The following SNAP91 variants were observed in gnomAD, a reference collection of about 807,000 sequenced individuals.
The protein encoded by SNAP91 is clathrin coat assembly protein AP180.
SNAP91 carries 27 observed loss-of-function variants against 100.3 expected under a neutral mutation model. That is an observed-to-expected ratio of 0.27 (90% CI 0.20 to 0.37). The LOEUF is 0.37. Among genes scored for constraint, SNAP91 ranks in the 10% least tolerant of loss-of-function variants. The pLI, the probability that SNAP91 is intolerant of heterozygous loss-of-function variation, is 1.00. For synonymous variants in SNAP91, 404 were observed against 398.6 expected (o/e 1.01, Z -0.16); for missense variants, 986 against 1,123.7 (o/e 0.88, Z 1.75).
intron 10 of SNAP91, among the ~76,000 whole-genome samples, chr6:83,616,631 G>A (rs1008790077): frequency 6.6e-6 from 1 of 152,082 alleles, no homozygotes; most frequent in Non-Finnish European, 1.5e-5. Flanking sequence ...AATTGTGCTT[G>A]TTTTCACTCA....
intron 7 of SNAP91, among the ~76,000 whole-genome samples, chr6:83,653,863 T>C (rs73486942): frequency 0.029 from 4,354 of 152,206 alleles, 77 homozygotes; most frequent in East Asian, 0.059. Context: ...TTGGACAAAA[T>C]AGATGTAGTG....
intron 7 of SNAP91, among the ~76,000 whole-genome samples, chr6:83,641,618 T>A (rs2097706252): frequency 6.6e-6 from 1 of 152,226 alleles, no homozygotes; most frequent in African/African-American, 2.4e-5. Flanking sequence ...ATCTATAAAT[T>A]ATAAGACAAT....
intron 9 of SNAP91, among the ~76,000 whole-genome samples, chr6:83,622,614 T>TA (rs2096774601): frequency 6.6e-6 from 1 of 151,926 alleles, no homozygotes; most frequent in East Asian, 1.9e-4. Flanking sequence ...ACAGAGTGCT[T>TA]AAGTAAAAAC....
At chr6:83,671,450 A>G (rs1332631990) in intron 2 of SNAP91, among the ~76,000 whole-genome samples, 2 of 152,024 alleles carry the variant, frequency 1.3e-5, no homozygotes, top group Non-Finnish European at 2.9e-5. Context: ...ATTCAGTTTT[A>G]CTTTGCCTGG....
intron 14 of SNAP91, among the ~76,000 whole-genome samples, chr6:83,603,218 A>G (rs1205976646): frequency 6.6e-6 from 1 of 152,152 alleles, no homozygotes; most frequent in Non-Finnish European, 1.5e-5. Context: ...CCTTATAGTC[A>G]TTTAAAATAA....
intron 25 of SNAP91, chr6:83,575,589 GAT>G (rs1817242122): frequency 4.8e-6 from 1 of 209,164 alleles, no homozygotes; most frequent in East Asian, 1.7e-4. Context: ...TCCACTGAAA[GAT>G]ATGTCTCAAT....
chr6:83,597,357 T>G (rs2094586560), intron 16 of SNAP91, among the ~76,000 whole-genome samples: 1 of 152,182 alleles, frequency 6.6e-6, no homozygotes, highest in South Asian at 2.1e-4. Flanking sequence ...TGTTAAAAAA[T>G]AAACAAAACT....
At chr6:83,607,275 G>C (rs926966085) in intron 13 of SNAP91, among the ~76,000 whole-genome samples, 3 of 151,828 alleles carry the variant, frequency 2.0e-5, no homozygotes, top group African/African-American at 7.3e-5. Context: ...CCTACCACCA[G>C]AGTGTGAGTT....
chr6:83,686,075 A>G (rs1437920829), intron 2 of SNAP91: 6 of 738,942 alleles, frequency 8.1e-6, no homozygotes, highest in East Asian at 1.3e-4. Flanking sequence ...GTAGATGCAC[A>G]GTAGACACTG....
chr6:83,673,494 T>A (rs923669765), intron 2 of SNAP91, among the ~76,000 whole-genome samples: 2 of 152,198 alleles, frequency 1.3e-5, no homozygotes, highest in Non-Finnish European at 2.9e-5. Flanking sequence ...GCATCTAGTC[T>A]ATGATGTTTT....
chr6:83,682,982 T>C (rs1174791395), intron 2 of SNAP91, among the ~76,000 whole-genome samples: 1 of 152,060 alleles, frequency 6.6e-6, no homozygotes. Flanking sequence ...CATATGACCA[T>C]CATCCCCATC....
At chr6:83,674,436 A>G (rs1163507027) in intron 2 of SNAP91, among the ~76,000 whole-genome samples, 1 of 152,166 alleles carries the variant, frequency 6.6e-6, no homozygotes, top group Non-Finnish European at 1.5e-5. Flanking sequence ...TCCATCTCAA[A>G]AAAAAAGAAA....
At chr6:83,598,845 A>C (rs563796853) in intron 16 of SNAP91, among the ~76,000 whole-genome samples, 2 of 152,306 alleles carry the variant, frequency 1.3e-5, no homozygotes, top group Admixed American at 1.3e-4. Flanking sequence ...ATCACAAAAC[A>C]GATAATGACA....
chr6:83,581,110 A>G (rs939517833), intron 23 of SNAP91, among the ~76,000 whole-genome samples: 1 of 152,214 alleles, frequency 6.6e-6, no homozygotes. Context: ...TGAAATCTAA[A>G]TAATTTACTC....
At chr6:83,605,552 TC>T in intron 14 of SNAP91, 132 bp downstream of exon 14, 1 of 1,201,982 alleles carries the variant, frequency 8.3e-7, no homozygotes, top group Non-Finnish European at 1.2e-6. Flanking sequence ...TAAATGCCAT[TC>T]TTAACATTTT....
chr6:83,660,157 G>T (rs796776777), intron 5 of SNAP91, among the ~76,000 whole-genome samples: 7 of 152,320 alleles, frequency 4.6e-5, no homozygotes, highest in African/African-American at 1.7e-4. Context: ...TCATACAGGG[G>T]TGCAGAAGTT....
chr6:83,659,815 G>A (rs543011001), intron 5 of SNAP91, among the ~76,000 whole-genome samples: 1 of 151,986 alleles, frequency 6.6e-6, no homozygotes, highest in South Asian at 2.1e-4. Context: ...TATAAAACCT[G>A]TATGACTTGG....
chr6:83,621,815 G>C (rs992542373), intron 9 of SNAP91, among the ~76,000 whole-genome samples: 1 of 152,012 alleles, frequency 6.6e-6, no homozygotes, highest in South Asian at 2.1e-4. Flanking sequence ...GGTGTCCATA[G>C]ATGTGAAATA....
At chr6:83,603,561 G>A (rs1358073633) in intron 14 of SNAP91, among the ~76,000 whole-genome samples, 1 of 150,408 alleles carries the variant, frequency 6.6e-6, no homozygotes, top group Admixed American at 6.6e-5. Context: ...CAGTGAGTTC[G>A]TTTTACTGTC....
Sources: allele counts gnomAD v4.1 joint callset (sites outside exome capture counted in the v4.1 genomes callset), GRCh38; gene constraint gnomAD v4.1.1; transcripts MANE v1.5; gene names NCBI Gene and HGNC (gene_info 2026-07-23, HGNC 2026-07-21).